ADGRL3: variants seen among roughly 807,000 people sequenced by gnomAD.
The protein encoded by ADGRL3 is adhesion G protein-coupled receptor L3, also known as calcium-independent alpha-latrotoxin receptor 3.
A neutral mutation model predicts 153.5 loss-of-function variants in ADGRL3; 62 were observed. That is an observed-to-expected ratio of 0.40 (90% CI 0.33 to 0.50). The LOEUF (loss-of-function observed/expected upper bound fraction) is 0.50, where lower values mean the gene tolerates loss of function less well. ADGRL3 is among the 20% of genes least tolerant of loss of function. ADGRL3 has a pLI of 0.47. For synonymous variants in ADGRL3, 710 were observed against 672.5 expected (o/e 1.06, Z -0.86); for missense variants, 1,641 against 1,859.4 (o/e 0.88, Z 2.16).
At chr4:62,056,043 G>A (rs931374957) in intron 25 of ADGRL3, among the ~76,000 whole-genome samples, 80 of 151,426 alleles carry the variant, frequency 5.3e-4, no homozygotes, top group African/African-American at 1.8e-3. Flanking sequence ...CATTTTTTGA[G>A]GAAGAGGATC....
At chr4:61,370,054 T>C (rs957147509) in intron 1 of ADGRL3, among the ~76,000 whole-genome samples, 1 of 152,146 alleles carries the variant, frequency 6.6e-6, no homozygotes, top group African/African-American at 2.4e-5. Context: ...TAGTTTGTAT[T>C]TCTGTGGGAT....
At chr4:61,675,024 T>G (rs773829004) in intron 5 of ADGRL3, among the ~76,000 whole-genome samples, 1 of 151,988 alleles carries the variant, frequency 6.6e-6, no homozygotes, top group Non-Finnish European at 1.5e-5. Flanking sequence ...AATTGCCTGA[T>G]GAGTATGGAG....
At chr4:61,303,039 T>C (rs901090873) in intron 1 of ADGRL3, among the ~76,000 whole-genome samples, 1 of 152,170 alleles carries the variant, frequency 6.6e-6, no homozygotes. Context: ...AAATATAATA[T>C]AGACATCATT....
intron 1 of ADGRL3, among the ~76,000 whole-genome samples, chr4:61,307,136 A>C (rs1226617968): frequency 6.6e-6 from 1 of 152,232 alleles, no homozygotes; most frequent in African/African-American, 2.4e-5. Flanking sequence ...GCCCAATCTT[A>C]AACAGCTTTT....
intron 1 of ADGRL3, among the ~76,000 whole-genome samples, chr4:61,241,271 C>T (rs11131314): frequency 0.47 from 70,792 of 151,650 alleles, 16,715 homozygotes; most frequent in East Asian, 0.62. Context: ...ATAAAGGTAA[C>T]GAAGGTGTTT....
At chr4:61,526,633 G>T (rs1377271678) in intron 4 of ADGRL3, among the ~76,000 whole-genome samples, 1 of 151,908 alleles carries the variant, frequency 6.6e-6, no homozygotes, top group Non-Finnish European at 1.5e-5. Context: ...AAAAATAGCT[G>T]GGTATGGTGG....
At chr4:61,627,499 T>G (rs2092905682) in intron 5 of ADGRL3, among the ~76,000 whole-genome samples, 1 of 152,078 alleles carries the variant, frequency 6.6e-6, no homozygotes, top group South Asian at 2.1e-4. Context: ...CGGGTGCCTG[T>G]GATCCCAGCT....
chr4:61,490,200 A>G (rs973819098), intron 2 of ADGRL3, among the ~76,000 whole-genome samples: 1 of 149,754 alleles, frequency 6.7e-6, no homozygotes, highest in African/African-American at 2.5e-5. Context: ...CACAATTACC[A>G]CTCTCACAGA....
intron 17 of ADGRL3, among the ~76,000 whole-genome samples, chr4:61,951,223 C>G (rs1388904756): frequency 3.3e-5 from 5 of 151,968 alleles, no homozygotes; most frequent in Admixed American, 3.3e-4. Context: ...GAAATATAAC[C>G]TGACTTAACA....
chr4:61,540,161 T>C (rs887814037), intron 4 of ADGRL3, among the ~76,000 whole-genome samples: 1 of 152,192 alleles, frequency 6.6e-6, no homozygotes, highest in African/African-American at 2.4e-5. Context: ...TCCAAAGTCA[T>C]ATCAGGCTAA....
At chr4:62,053,077 T>C (rs1224995087) in intron 25 of ADGRL3, among the ~76,000 whole-genome samples, 1 of 151,506 alleles carries the variant, frequency 6.6e-6, no homozygotes, top group Non-Finnish European at 1.5e-5. Context: ...TGTGATGATA[T>C]AGATACCATA....
chr4:61,949,737 A>T (rs1189879090), intron 17 of ADGRL3, among the ~76,000 whole-genome samples: 1 of 152,108 alleles, frequency 6.6e-6, no homozygotes, highest in Non-Finnish European at 1.5e-5. Context: ...ATAGTTTTTT[A>T]AAATGTCTTT....
chr4:61,761,149 G>C (rs1465222312), intron 8 of ADGRL3, among the ~76,000 whole-genome samples: 1 of 152,202 alleles, frequency 6.6e-6, no homozygotes, highest in Non-Finnish European at 1.5e-5. Context: ...CTGATCTTAG[G>C]AGTAGTTTAG....
intron 2 of ADGRL3, among the ~76,000 whole-genome samples, chr4:61,428,873 ATATCATCTATCTATCTATATC>A (rs1560616204): frequency 3.4e-5 from 4 of 118,578 alleles, no homozygotes; most frequent in Non-Finnish European, 7.8e-5. Flanking sequence ...CTATCTATCT[ATATCATCTATCTATCTATATC>A]ATCTATCTAT....
chr4:61,739,527 G>T (rs2096558968), intron 8 of ADGRL3, among the ~76,000 whole-genome samples: 1 of 152,150 alleles, frequency 6.6e-6, no homozygotes, highest in African/African-American at 2.4e-5. Flanking sequence ...TAAATACTTG[G>T]TGCTTTGTAA....
At chr4:61,542,101 A>T (rs987193677) in intron 4 of ADGRL3, among the ~76,000 whole-genome samples, 1 of 152,130 alleles carries the variant, frequency 6.6e-6, no homozygotes, top group Admixed American at 6.5e-5. Flanking sequence ...GTAAGTAGAG[A>T]TGACTGTGTG....
chr4:61,771,749 A>G (rs2097089741), intron 8 of ADGRL3, among the ~76,000 whole-genome samples: 1 of 149,802 alleles, frequency 6.7e-6, no homozygotes, highest in Non-Finnish European at 1.5e-5. Context: ...CCAAAGGGGT[A>G]TCTATTCCAT....
At chr4:61,592,555 G>A (rs925976615) in intron 5 of ADGRL3, among the ~76,000 whole-genome samples, 21 of 152,140 alleles carry the variant, frequency 1.4e-4, no homozygotes, top group African/African-American at 4.6e-4. Flanking sequence ...AGAAAGGAGA[G>A]AAGGAAGATA....
chr4:61,337,625 T>C (rs1298958707), intron 1 of ADGRL3, among the ~76,000 whole-genome samples: 1 of 152,182 alleles, frequency 6.6e-6, no homozygotes, highest in Non-Finnish European at 1.5e-5. Flanking sequence ...ACTCTGTTTG[T>C]AAAAAATCAG....
Sources: allele counts gnomAD v4.1 joint callset (sites outside exome capture counted in the v4.1 genomes callset), GRCh38; gene constraint gnomAD v4.1.1; transcripts MANE v1.5; gene names NCBI Gene and HGNC (gene_info 2026-07-23, HGNC 2026-07-21).